The following KLHL32 variants were observed in gnomAD, a reference collection of about 807,000 sequenced individuals.
KLHL32 encodes kelch like family member 32.
Under a neutral mutation model 64.8 loss-of-function variants are expected in KLHL32, and 35 were observed. That is an observed-to-expected ratio of 0.54 (90% CI 0.41 to 0.72). KLHL32 has a LOEUF of 0.72. Among genes scored for constraint, KLHL32 ranks in the 30% least tolerant of loss-of-function variants. The pLI is 0.00. For synonymous variants in KLHL32, 259 were observed against 281.0 expected (o/e 0.92, Z 0.78); for missense variants, 589 against 768.5 (o/e 0.77, Z 2.76).
intron 3 of KLHL32, among the ~76,000 whole-genome samples, chr6:97,031,360 G>A (rs557090081): frequency 1.3e-5 from 2 of 150,212 alleles, no homozygotes; most frequent in Non-Finnish European, 1.5e-5. Context: ...TTTTGAGATA[G>A]AGTCTCACTC....
intron 3 of KLHL32, among the ~76,000 whole-genome samples, chr6:96,982,830 G>A (rs552583012): frequency 6.6e-6 from 1 of 152,338 alleles, no homozygotes; most frequent in South Asian, 2.1e-4. Context: ...CTGCAAACAG[G>A]GACAATTTGA....
Position 97,039,718 on chromosome 6 carries a change from G to A in KLHL32, c.205-1774G>A, listed in dbSNP as rs568170184. 2.8e-5 allele frequency among the ~76,000 whole-genome samples: 3 copies of A among 105,850 alleles called. No individual in the cohort carries two copies. The East Asian group carries it at 6.7e-4, about 24-fold the overall frequency. 69.4% of individuals were successfully genotyped at this position (105,850 alleles called of 152,430 possible). A position where few individuals can be genotyped will look rare whatever the true frequency, so the allele number is the denominator to read the frequency against. On this transcript the variant is annotated intron_variant, in intron 3 of 10. Transcript: ENST00000369261. ...ACCTATAGTCCCAGCTACTCGGGAAGCTGAGGTAGGAGAATCACTTGAACC... is the reference window on the plus strand; with the variant it reads ...ACCTATAGTCCCAGCTACTCGGGAAACTGAGGTAGGAGAATCACTTGAACC...
chr6:97,096,304 C>T (rs1177583560), intron 6 of KLHL32, among the ~76,000 whole-genome samples: 1 of 152,210 alleles, frequency 6.6e-6, no homozygotes, highest in African/African-American at 2.4e-5. Flanking sequence ...TGCACACACA[C>T]ATATTAGATG....
chr6:96,998,759 C>T (rs889036685), intron 3 of KLHL32, among the ~76,000 whole-genome samples: 7 of 152,176 alleles, frequency 4.6e-5, no homozygotes, highest in African/African-American at 1.7e-4. Flanking sequence ...CATATTTGCA[C>T]ATGTTAAGTT....
the KLHL32 span, among the ~76,000 whole-genome samples, chr6:96,900,795 T>C: frequency 3.3e-5 from 5 of 152,114 alleles, no homozygotes; most frequent in African/African-American, 9.7e-5. Flanking sequence ...CAACCACTAG[T>C]GAGGAGCACA....
At chr6:97,016,032 G>T (rs1309572826) in intron 3 of KLHL32, among the ~76,000 whole-genome samples, 1 of 152,216 alleles carries the variant, frequency 6.6e-6, no homozygotes, top group African/African-American at 2.4e-5. Context: ...AGATTTAGAG[G>T]ATGTATGGAA....
At chr6:97,036,964 G>A (rs1204418155) in intron 3 of KLHL32, among the ~76,000 whole-genome samples, 1 of 152,176 alleles carries the variant, frequency 6.6e-6, no homozygotes, top group Non-Finnish European at 1.5e-5. Context: ...TTGGCACTAA[G>A]CTGTACTATG....
chr6:97,081,635 C>G (rs1285251620), intron 5 of KLHL32, among the ~76,000 whole-genome samples: 4 of 152,328 alleles, frequency 2.6e-5, no homozygotes, highest in African/African-American at 9.6e-5. Context: ...ACTTTCCACT[C>G]CAAGTCAACT....
intron 3 of KLHL32, among the ~76,000 whole-genome samples, chr6:97,020,947 C>A (rs1283105563): frequency 6.6e-6 from 1 of 150,820 alleles, no homozygotes; most frequent in Non-Finnish European, 1.5e-5. Context: ...GGATCTCACA[C>A]ATACATGTAT....
At chr6:97,070,974 G>A (rs2128162252) in intron 5 of KLHL32, among the ~76,000 whole-genome samples, 1 of 152,222 alleles carries the variant, frequency 6.6e-6, no homozygotes, top group African/African-American at 2.4e-5. Flanking sequence ...CTTTCCTGAA[G>A]CTAAACCACC....
intron 4 of KLHL32, among the ~76,000 whole-genome samples, chr6:97,056,658 G>A (rs1014025159): frequency 6.6e-6 from 1 of 152,098 alleles, no homozygotes; most frequent in Non-Finnish European, 1.5e-5. Context: ...TTGACTCCCA[G>A]CCCCTACCTA....
rs192868913 is a variant in KLHL32 at position 97,083,950 on chromosome 6, C to T, written c.412-1176C>T. Among the ~76,000 whole-genome samples, 432 of 152,072 alleles carry T rather than the reference C, an allele frequency of 2.8e-3. 6 individuals carry two copies. Among genetic ancestry groups the T allele is most frequent in the Admixed American group, 6.2e-3 (95 of 15,300 alleles). ...AAAAGCAATGGTTTTGCTTAAGACT[C>T]ACAAAGCCCATCTGCCCCAAAAGGA... On this transcript the variant is annotated intron_variant, in intron 5 of 10. Coordinates refer to ENST00000369261, the MANE Select transcript of KLHL32 (RefSeq NM_052904.4).
intron 4 of KLHL32, among the ~76,000 whole-genome samples, chr6:97,062,820 A>G (rs1001060401): frequency 7.9e-5 from 12 of 152,202 alleles, no homozygotes; most frequent in African/African-American, 2.7e-4. Context: ...GGTAAGCACT[A>G]TGGTGAAGAA....
intron 6 of KLHL32, chr6:97,105,569 G>A (rs1302096813): frequency 2.1e-6 from 1 of 468,856 alleles, no homozygotes; most frequent in East Asian, 7.0e-5. Flanking sequence ...TCTGCAAAGA[G>A]AAGGGCTCCG....
At chr6:97,073,351 C>T (rs373413926) in intron 5 of KLHL32, among the ~76,000 whole-genome samples, 3 of 152,066 alleles carry the variant, frequency 2.0e-5, no homozygotes, top group East Asian at 3.9e-4. Flanking sequence ...TTAAATGAAC[C>T]GTCACTTTCT....
At chr6:97,046,237 C>T (rs1175230796) in intron 4 of KLHL32, among the ~76,000 whole-genome samples, 1 of 152,100 alleles carries the variant, frequency 6.6e-6, no homozygotes, top group East Asian at 1.9e-4. Context: ...TAAAACAGCT[C>T]TAAGGAATGC....
chr6:97,083,352 T>C (rs546855410), intron 5 of KLHL32, among the ~76,000 whole-genome samples: 1 of 151,150 alleles, frequency 6.6e-6, no homozygotes, highest in African/African-American at 2.4e-5. Flanking sequence ...ATCGCACCAC[T>C]GCATTCCAGC....
chr6:96,899,373 A>G, the KLHL32 span, among the ~76,000 whole-genome samples: 12 of 152,136 alleles, frequency 7.9e-5, no homozygotes, highest in Non-Finnish European at 1.6e-4. Context: ...CATTATGTCT[A>G]TGTGCTTTAA....
At chr6:97,013,964 G>A (rs77370961) in intron 3 of KLHL32, among the ~76,000 whole-genome samples, 4,827 of 152,230 alleles carry the variant, frequency 0.032, 233 homozygotes, top group African/African-American at 0.11. Flanking sequence ...TGAAGTAGGG[G>A]TTTGTGCACC....
Sources: allele counts gnomAD v4.1 joint callset (sites outside exome capture counted in the v4.1 genomes callset), GRCh38; gene constraint gnomAD v4.1.1; transcripts MANE v1.5; gene names NCBI Gene and HGNC (gene_info 2026-07-23, HGNC 2026-07-21).